The following FLT4 variants were observed in gnomAD, a reference collection of about 807,000 sequenced individuals.
The protein encoded by FLT4 is vascular endothelial growth factor receptor 3.
A neutral mutation model predicts 163.2 loss-of-function variants in FLT4; 30 were observed. That is an observed-to-expected ratio of 0.18 (90% CI 0.14 to 0.25). The LOEUF is 0.25. Ranked by LOEUF, FLT4 falls within the 10% of genes least tolerant of loss-of-function variation. The probability of loss-of-function intolerance (pLI) is 1.00; values close to 1 mark genes in which losing one functional copy is unlikely to be tolerated. For synonymous variants in FLT4, 884 were observed against 789.5 expected, an observed-to-expected ratio of 1.12 and a Z score of -2.01; for missense variants, 1,510 against 1,863.8, an observed-to-expected ratio of 0.81 and a Z score of 3.50.
At chr5:180,622,107 C>A (rs762693761) in intron 12 of FLT4, among the ~76,000 whole-genome samples, 1 of 151,878 alleles carries the variant, frequency 6.6e-6, no homozygotes, top group Admixed American at 6.6e-5. Context: ...TCCTCATTCT[C>A]TCTTGAAGCT....
At chr5:180,612,268 G>C in intron 26 of FLT4, 1 of 587,690 alleles carries the variant, frequency 1.7e-6, no homozygotes, top group Middle Eastern at 4.6e-4. Context: ...GCAGGGACAG[G>C]CTCTGACTAT....
chr5:180,646,430 G>A (rs1009974101), intron 1 of FLT4, among the ~76,000 whole-genome samples: 5 of 152,024 alleles, frequency 3.3e-5, no homozygotes, highest in African/African-American at 1.2e-4. Flanking sequence ...CAGCCTCACC[G>A]GACCACCCAC....
intron 8 of FLT4, among the ~76,000 whole-genome samples, chr5:180,627,600 C>T (rs1420810108): frequency 6.6e-6 from 1 of 152,184 alleles, no homozygotes; most frequent in African/African-American, 2.4e-5. Context: ...GTGCTGGTGC[C>T]ATAGGAAGGG....
Position 180,621,255 on chromosome 5 carries a change from G to A in FLT4, c.2021-3C>T, listed in dbSNP as rs781023748. 11 of 1,611,234 alleles carry A rather than the reference G, an allele frequency of 6.8e-6. No homozygotes were observed. The highest frequency in any genetic ancestry group is 1.3e-5 in the African/African-American group (1 of 75,040). On this transcript the variant is annotated splice_polypyrimidine_tract_variant and splice_region_variant and intron_variant, in intron 13 of 29. Transcript: ENST00000261937. Reference sequence around the variant, plus strand: ...CGTGAGCCGAGGGGCTTCCAGGGCTGGGGGCAGGGGTCGAGAGGGAGCTAA... The same window carrying A: ...CGTGAGCCGAGGGGCTTCCAGGGCTAGGGGCAGGGGTCGAGAGGGAGCTAA...
rs1763023681 is a variant in FLT4, at chr5:180,620,263, C to A, written c.2452G>T (p.Asp818Tyr). Reference sequence around the variant, plus strand: ...TCCTCCAGAGGCACCTCCCCGGGGTCCATGATGATGGACAGGTAGCCCGTC... The same window carrying A: ...TCCTCCAGAGGCACCTCCCCGGGGTACATGATGATGGACAGGTAGCCCGTC... ...IKTGYLSIIM[D>Y]PGEVPLEEQC... is the part of the protein sequence containing the mutation. Residue 818 changes from aspartate (D) to tyrosine (Y), a missense_variant, in exon 17 of 30, where the codon GAC becomes TAC. By Grantham distance (160) the Asp-to-Tyr change is radical (BLOSUM62 -3). Transcript: ENST00000261937. The surrounding 1 kb of genome is among the most constrained non-coding windows in gnomAD (Gnocchi z 4.4). The A allele has an allele frequency of 1.2e-6, 2 of 1,612,170 alleles. No individual in the cohort carries two copies. Among genetic ancestry groups the A allele is most frequent in the East Asian group, 4.5e-5 (2 of 44,868 alleles).
chr5:180,606,911 A>AC (rs1761826252), intron 29 of FLT4, among the ~76,000 whole-genome samples: 5 of 146,878 alleles, frequency 3.4e-5, no homozygotes, highest in East Asian at 2.0e-4. Flanking sequence ...AAAAAAAAAA[A>AC]AAAACAAACA....
chr5:180,620,276 C>T lies in FLT4; in HGVS notation c.2439G>A (p.Leu813=), dbSNP rs373046569. The stretch of plus-strand genomic sequence containing the variant: ...CCTCCCCGGGGTCCATGATGATGGA[C>T]AGGTAGCCCGTCTTGATGTCTGCGT... The part of the protein sequence containing the change: ...PAHADIKTGY[L]SIIMDPGEVP... The change falls in exon 17 of 30, where the codon CTG becomes CTA. Residue 813 remains leucine (L), a synonymous_variant. Coordinates refer to ENST00000261937, the MANE Select transcript of FLT4 (RefSeq NM_182925.5). This position sits in a 1 kb window ranked among gnomAD's most constrained non-coding sequence, Gnocchi z 4.4. 2 of 1,612,154 alleles carry T rather than the reference C, an allele frequency of 1.2e-6. No individual in the cohort carries two copies. The highest frequency in any genetic ancestry group is 1.3e-5 in the African/African-American group (1 of 75,050).
chr5:180,627,801 G>A (rs1387879522), intron 8 of FLT4, among the ~76,000 whole-genome samples: 5 of 152,188 alleles, frequency 3.3e-5, no homozygotes, highest in Admixed American at 1.3e-4. Flanking sequence ...GGGCCCAGGG[G>A]TCTCCAGGAG....
intron 1 of FLT4, among the ~76,000 whole-genome samples, chr5:180,634,420 G>A (rs987395534): frequency 2.0e-5 from 3 of 152,132 alleles, no homozygotes. Flanking sequence ...AAGGATGGAT[G>A]GGCCAGGCGT....
chr5:180,627,449 T>G (rs553466973), intron 8 of FLT4, among the ~76,000 whole-genome samples: 1 of 152,208 alleles, frequency 6.6e-6, no homozygotes, highest in Non-Finnish European at 1.5e-5. Context: ...GGAGATGACA[T>G]GCACCTTGCA....
rs765671332 is a variant in FLT4, at chr5:180,620,247, G to A, written c.2468C>T (p.Pro823Leu). The change falls in exon 17 of 30, where the codon CCT (proline) becomes CTT (leucine). Residue 823 changes from proline (P) to leucine (L), a missense_variant. Physicochemically the swap from Pro to Leu is moderately conservative, Grantham distance 98. Coordinates refer to ENST00000261937, the MANE Select transcript of FLT4 (RefSeq NM_182925.5). This position sits in a 1 kb window ranked among gnomAD's most constrained non-coding sequence, Gnocchi z 4.4. ...LSIIMDPGEV[P>L]LEEQCEYLSY... ...CAGGTATTCGCATTGCTCCTCCAGAGGCACCTCCCCGGGGTCCATGATGAT... is the reference window on the plus strand; with the variant it reads ...CAGGTATTCGCATTGCTCCTCCAGAAGCACCTCCCCGGGGTCCATGATGAT... 1 of 1,612,122 alleles carries A rather than the reference G, an allele frequency of 6.2e-7. No homozygotes were observed. Among genetic ancestry groups the A allele is most frequent in the Non-Finnish European group, 8.5e-7 (1 of 1,179,964 alleles).
chr5:180,616,396 T>C lies in FLT4; in HGVS notation c.3190A>G (p.Lys1064Glu), dbSNP rs1377589251. ...CCCTTGCGGACGTAGTCGGGGTCTT[T>C]GTAGATGTCCCGGGCAAGGCCAAAG... ...CDFGLARDIY[K>E]DPDYVRKGSA... The change falls in exon 23 of 30, where the codon AAA (lysine) becomes GAA (glutamate). Residue 1064 changes from lysine to glutamate, a missense_variant. This residue lies in a region of FLT4 where 878 missense variants were observed against 1,016.7 expected (regional missense o/e 0.86). Coordinates refer to ENST00000261937, the MANE Select transcript of FLT4 (RefSeq NM_182925.5). 6.2e-7 allele frequency: 1 copy of C among 1,614,014 alleles called. No individual in the cohort carries two copies. Among genetic ancestry groups the C allele is most frequent in the South Asian group, 1.1e-5 (1 of 91,088 alleles).
intron 22 of FLT4, 95 bp downstream of exon 22, chr5:180,616,805 G>T: frequency 1.0e-6 from 1 of 991,456 alleles, no homozygotes; most frequent in South Asian, 1.3e-5. Context: ...ATGGACCACA[G>T]AGCCATTGCA....
At chr5:180,632,906 G>A (rs1176984686) in intron 1 of FLT4, among the ~76,000 whole-genome samples, 1 of 152,032 alleles carries the variant, frequency 6.6e-6, no homozygotes, top group Non-Finnish European at 1.5e-5. Context: ...AGGAAGGGAG[G>A]GCTGCATGGC....
At chr5:180,627,638 G>A (rs1305962767) in intron 8 of FLT4, among the ~76,000 whole-genome samples, 1 of 152,230 alleles carries the variant, frequency 6.6e-6, no homozygotes, top group Non-Finnish European at 1.5e-5. Context: ...GTGGGTGGCT[G>A]CCATAGGAAG....
chr5:180,610,365 C>A (rs1762079436), intron 27 of FLT4, among the ~76,000 whole-genome samples: 1 of 152,254 alleles, frequency 6.6e-6, no homozygotes. Flanking sequence ...GGCTGCAAGC[C>A]GCCGACTGCC....
chr5:180,632,960 C>A (rs1046684792), intron 1 of FLT4, among the ~76,000 whole-genome samples: 1 of 152,056 alleles, frequency 6.6e-6, no homozygotes, highest in African/African-American at 2.4e-5. Flanking sequence ...AGGTCCCTGT[C>A]CTCCTGGGGG....
At chr5:180,643,379 A>G (rs893640091) in intron 1 of FLT4, among the ~76,000 whole-genome samples, 5 of 152,218 alleles carry the variant, frequency 3.3e-5, no homozygotes, top group Admixed American at 2.6e-4. Flanking sequence ...TCCTGACAGC[A>G]GCTTGGCGTG....
chr5:180,629,912 C>G (rs367781762), intron 5 of FLT4, 31 bp downstream of exon 5: 1 of 1,612,644 alleles, frequency 6.2e-7, no homozygotes, highest in Admixed American at 1.7e-5. Flanking sequence ...GTGACAGCCC[C>G]GTTACTGGGA....
Sources: allele counts gnomAD v4.1 joint callset (sites outside exome capture counted in the v4.1 genomes callset), GRCh38; gene constraint gnomAD v4.1.1; regional missense constraint gnomAD v4.1.1; non-coding constraint Gnocchi (gnomAD v3.1); transcripts MANE v1.5; gene names NCBI Gene and HGNC (gene_info 2026-07-23, HGNC 2026-07-21).